NFIB: variants seen among roughly 807,000 people sequenced by gnomAD.
NFIB encodes nuclear factor 1 B-type.
Under a neutral mutation model 61.5 loss-of-function variants are expected in NFIB, and 11 were observed. The observed-to-expected ratio is 0.18, with a 90% confidence interval of 0.11 to 0.30. The LOEUF is 0.30. Among genes scored for constraint, NFIB ranks in the 10% least tolerant of loss-of-function variants. The pLI is 1.00. For missense variants in NFIB, 471 were observed against 608.9 expected, an observed-to-expected ratio of 0.77 and a Z score of 2.38; for synonymous variants, 260 against 216.5, an observed-to-expected ratio of 1.20 and a Z score of -1.76.
intron 10 of NFIB, among the ~76,000 whole-genome samples, chr9:14,098,491 C>T (rs762587997): frequency 6.6e-6 from 1 of 152,190 alleles, no homozygotes; most frequent in Non-Finnish European, 1.5e-5. Context: ...TCTGACAGTA[C>T]AGGCTATATT....
At chr9:14,425,518 A>G in the NFIB span, among the ~76,000 whole-genome samples, 4 of 151,918 alleles carry the variant, frequency 2.6e-5, no homozygotes. Flanking sequence ...CAGATGATTG[A>G]GACATATATA....
At chr9:14,322,456 G>A in intron 1 of NFIB, 1 of 231,074 alleles carries the variant, frequency 4.3e-6, no homozygotes, top group East Asian at 6.1e-5. Flanking sequence ...CCCGCCCTCG[G>A]ATTGGCCTGG....
chr9:14,103,931 T>G (rs1428767710), intron 10 of NFIB, among the ~76,000 whole-genome samples: 4 of 152,118 alleles, frequency 2.6e-5, no homozygotes, highest in African/African-American at 9.7e-5. Flanking sequence ...ATTCTTTTTT[T>G]TTTTTTGAGA....
At chr9:14,497,081 G>C in the NFIB span, among the ~76,000 whole-genome samples, 1 of 152,186 alleles carries the variant, frequency 6.6e-6, no homozygotes, top group African/African-American at 2.4e-5. Flanking sequence ...ACCTGCCTGT[G>C]AGTCCAAGCT....
At chr9:14,426,490 T>C in the NFIB span, among the ~76,000 whole-genome samples, 1 of 152,380 alleles carries the variant, frequency 6.6e-6, no homozygotes, top group African/African-American at 2.4e-5. Context: ...TGTTTTATGG[T>C]GCTTCATACA....
intron 3 of NFIB, among the ~76,000 whole-genome samples, chr9:14,159,827 T>C (rs2043939459): frequency 1.3e-5 from 2 of 152,360 alleles, no homozygotes; most frequent in East Asian, 3.9e-4. Flanking sequence ...TATCTGCTGC[T>C]AACATAACCC....
At chr9:14,350,872 T>C (rs949622230) in intron 1 of NFIB, among the ~76,000 whole-genome samples, 1 of 152,106 alleles carries the variant, frequency 6.6e-6, no homozygotes, top group African/African-American at 2.4e-5. Flanking sequence ...CTGCAAATAT[T>C]GGCACAAAGC....
intron 2 of NFIB, among the ~76,000 whole-genome samples, chr9:14,241,502 T>C (rs964983482): frequency 7.3e-6 from 1 of 137,428 alleles, no homozygotes; most frequent in Non-Finnish European, 1.6e-5. Flanking sequence ...AAGTAGCATA[T>C]TACATAATTC....
intron 3 of NFIB, among the ~76,000 whole-genome samples, chr9:14,170,951 A>G (rs73411977): frequency 0.01 from 1,588 of 152,300 alleles, 24 homozygotes; most frequent in African/African-American, 0.035. Context: ...CTTGGATTCT[A>G]TGTTACCTTA....
the NFIB span, among the ~76,000 whole-genome samples, chr9:14,491,878 G>A: frequency 6.6e-6 from 1 of 152,058 alleles, no homozygotes; most frequent in Non-Finnish European, 1.5e-5. Flanking sequence ...AATATAATCT[G>A]AATTCATGTT....
chr9:14,167,811 C>T (rs984208926), intron 3 of NFIB, among the ~76,000 whole-genome samples: 2 of 152,154 alleles, frequency 1.3e-5, no homozygotes, highest in Non-Finnish European at 2.9e-5. Context: ...GTTCCTCATT[C>T]ATGGTCAAGT....
chr9:14,190,084 A>G (rs543962331), intron 2 of NFIB, among the ~76,000 whole-genome samples: 93 of 152,226 alleles, frequency 6.1e-4, no homozygotes, highest in Admixed American at 2.6e-3. Flanking sequence ...TTTCTCTATC[A>G]TGTTAGCTAA....
intron 1 of NFIB, among the ~76,000 whole-genome samples, chr9:14,378,459 C>T (rs1014036039): frequency 2.6e-5 from 4 of 152,146 alleles, no homozygotes; most frequent in Non-Finnish European, 4.4e-5. Flanking sequence ...CGGGTTCAAG[C>T]GATTCTCCTG....
chr9:14,509,817 G>A, the NFIB span, among the ~76,000 whole-genome samples: 1 of 152,216 alleles, frequency 6.6e-6, no homozygotes, highest in African/African-American at 2.4e-5. Flanking sequence ...ACTAGCAGGT[G>A]TGGTAAGTTC....
intron 2 of NFIB, among the ~76,000 whole-genome samples, chr9:14,217,823 T>C (rs897497102): frequency 1.2e-4 from 19 of 152,164 alleles, no homozygotes; most frequent in African/African-American, 4.6e-4. Context: ...TATACTTTGT[T>C]TCTTTCCCCC....
Position 14,113,049 on chromosome 9 carries a change from G to A in NFIB, c.1417C>T (p.Arg473Ter), listed in dbSNP as rs933187193. 1.3e-6 allele frequency: 2 copies of A among 1,550,240 alleles called. No individual in the cohort carries two copies. The highest frequency in any genetic ancestry group is 2.0e-5 in the Admixed American group (1 of 50,960). The part of the protein sequence containing the change: ...YTASGTSQAN[R>*]YVGLSPRDPS... ...TCTCTTGGGCTTAGTCCCACATATC[G>A]ATTGGCTTGAGATGTGCCTGAGGCT... Residue 473 changes from arginine to a stop codon, truncating the protein, a stop_gained, in exon 10 of 11, where the codon CGA becomes TGA. Transcript: ENST00000380953. LOFTEE classifies it high-confidence loss of function.
At chr9:14,244,511 T>G (rs1168423616) in intron 2 of NFIB, among the ~76,000 whole-genome samples, 1 of 152,182 alleles carries the variant, frequency 6.6e-6, no homozygotes, top group Non-Finnish European at 1.5e-5. Flanking sequence ...GGAATGAGTA[T>G]AGTAAGCTTT....
chr9:14,269,754 T>G (rs2057467483), intron 2 of NFIB, among the ~76,000 whole-genome samples: 1 of 152,140 alleles, frequency 6.6e-6, no homozygotes, highest in Admixed American at 6.6e-5. Context: ...TGAAAAATGA[T>G]TAAGACACAG....
At chr9:14,208,947 A>G (rs1003461324) in intron 2 of NFIB, among the ~76,000 whole-genome samples, 5 of 152,328 alleles carry the variant, frequency 3.3e-5, no homozygotes, top group Non-Finnish European at 5.9e-5. Context: ...AAAAGAAGAA[A>G]CAGTCAGAGA....
Sources: gnomAD v4.1 joint callset for allele counts (sites outside exome capture counted in the v4.1 genomes callset) on GRCh38, gnomAD v4.1.1 for gene constraint, MANE v1.5 for transcripts, NCBI Gene and HGNC (gene_info 2026-07-23, HGNC 2026-07-21) for gene names.